SLX4IP: variants seen among roughly 807,000 people sequenced by gnomAD.
The protein encoded by SLX4IP is protein SLX4IP.
In SLX4IP, 34 loss-of-function variants were observed where a neutral mutation model predicts 32.9. The observed-to-expected ratio is 1.03, with a 90% CI of 0.79 to 1.38. The LOEUF is 1.38. SLX4IP is among the 40% of genes most tolerant of loss of function. The pLI is 0.00. For missense variants in SLX4IP, 444 were observed against 479.0 expected, an observed-to-expected ratio of 0.93 and a Z score of 0.68; for synonymous variants, 172 against 171.7, an observed-to-expected ratio of 1.00 and a Z score of -0.01.
chr20:10,455,575 T>C (rs1334430641), intron 1 of SLX4IP, among the ~76,000 whole-genome samples: 1 of 135,196 alleles, frequency 7.4e-6, no homozygotes, highest in African/African-American at 2.8e-5. Flanking sequence ...TTGACCTGTA[T>C]GTCTTTTATT....
intron 6 of SLX4IP, among the ~76,000 whole-genome samples, chr20:10,616,146 C>T (rs2065706319): frequency 6.6e-6 from 1 of 152,080 alleles, no homozygotes. Context: ...GTCGAGTCAC[C>T]AATGACTTCT....
chr20:10,604,763 G>A (rs2066886188), intron 6 of SLX4IP, among the ~76,000 whole-genome samples: 1 of 152,252 alleles, frequency 6.6e-6, no homozygotes, highest in Non-Finnish European at 1.5e-5. Context: ...ATGTGCTAGG[G>A]ATGTGGGAAT....
chr20:10,572,050 C>T (rs760412669), intron 4 of SLX4IP, among the ~76,000 whole-genome samples: 5 of 152,152 alleles, frequency 3.3e-5, no homozygotes, highest in African/African-American at 7.2e-5. Context: ...GTCCACCCCT[C>T]GGATGCTGGC....
chr20:10,533,810 G>C (rs185155733), intron 2 of SLX4IP, among the ~76,000 whole-genome samples: 15 of 151,640 alleles, frequency 9.9e-5, no homozygotes, highest in African/African-American at 3.4e-4. Flanking sequence ...GGTAGAGATG[G>C]GGCTTTGTCA....
intron 2 of SLX4IP, among the ~76,000 whole-genome samples, chr20:10,552,410 T>C (rs1360876042): frequency 6.7e-6 from 1 of 150,174 alleles, no homozygotes. Context: ...TTTTTTTTCT[T>C]TTTTTTTTTC....
chr20:10,456,668 G>A (rs1174141047), intron 1 of SLX4IP, among the ~76,000 whole-genome samples: 1 of 152,196 alleles, frequency 6.6e-6, no homozygotes, highest in African/African-American at 2.4e-5. Context: ...TGAGAAGGCT[G>A]AGTTCTCCAA....
intron 2 of SLX4IP, among the ~76,000 whole-genome samples, chr20:10,478,979 C>G (rs1055958373): frequency 6.6e-6 from 1 of 152,222 alleles, no homozygotes; most frequent in African/African-American, 2.4e-5. Flanking sequence ...TACCTCTATT[C>G]AGGTAGAAGC....
chr20:10,560,901 G>C lies in SLX4IP; in HGVS notation c.238+81G>C, dbSNP rs2066325833. The C allele has an allele frequency of 3.8e-6, 5 of 1,321,740 alleles. No homozygotes were observed. The South Asian group carries it at 9.4e-5, about 25-fold the overall frequency. The allele number at this position is 1,321,740 out of a possible 1,614,324, so 81.9% of individuals were successfully genotyped here. A position where few individuals can be genotyped will look rare whatever the true frequency, so the allele number is the denominator to read the frequency against. On this transcript the variant is annotated intron_variant, in intron 4 of 7. Coordinates refer to ENST00000334534, the MANE Select transcript of SLX4IP (RefSeq NM_001009608.3). ...AGAGATGGCAATTATGTTTGACTCTGACTGTCATGTTAGTATAGTGATACA... is the reference window on the plus strand; with the variant it reads ...AGAGATGGCAATTATGTTTGACTCTCACTGTCATGTTAGTATAGTGATACA...
chr20:10,472,821 C>G lies in SLX4IP; in HGVS notation c.27+14590C>G, dbSNP rs1160774862. 1.3e-5 allele frequency among the ~76,000 whole-genome samples: 2 copies of G among 152,208 alleles called. 1 individual carries two copies. The highest frequency in any genetic ancestry group is 2.9e-5 in the Non-Finnish European group (2 of 68,042). On this transcript the variant is annotated intron_variant, in intron 2 of 7. Coordinates refer to ENST00000334534, the MANE Select transcript of SLX4IP (RefSeq NM_001009608.3). The stretch of plus-strand genomic sequence containing the variant: ...CTTTTCCCTTCTTTGTTACCTGATA[C>G]AGGCCTTTTAAAGCCAACAATAGTT...
intron 4 of SLX4IP, among the ~76,000 whole-genome samples, chr20:10,594,471 G>C (rs1438232430): frequency 6.6e-6 from 1 of 152,194 alleles, no homozygotes; most frequent in Admixed American, 6.5e-5. Flanking sequence ...ACTTCCCACT[G>C]TTACGCACCA....
At chr20:10,488,865 T>C (rs1270919602) in intron 2 of SLX4IP, among the ~76,000 whole-genome samples, 2 of 152,330 alleles carry the variant, frequency 1.3e-5, no homozygotes, top group South Asian at 2.1e-4. Context: ...CCATTTCAAG[T>C]TGACACACTG....
At chr20:10,448,369 T>C (rs2065217902) in intron 1 of SLX4IP, among the ~76,000 whole-genome samples, 2 of 152,286 alleles carry the variant, frequency 1.3e-5, no homozygotes, top group Non-Finnish European at 2.9e-5. Flanking sequence ...AACTCCACTG[T>C]TTTTTTGAGG....
intron 4 of SLX4IP, among the ~76,000 whole-genome samples, chr20:10,564,192 G>A (rs1370489808): frequency 6.6e-6 from 1 of 152,064 alleles, no homozygotes; most frequent in Non-Finnish European, 1.5e-5. Context: ...ATTGATTCAT[G>A]CTTTTACTTT....
At chr20:10,563,409 T>G (rs2066353395) in intron 4 of SLX4IP, among the ~76,000 whole-genome samples, 1 of 152,248 alleles carries the variant, frequency 6.6e-6, no homozygotes. Context: ...TTTAGTTTGA[T>G]ATAGTCCCAT....
At chr20:10,520,838 A>T (rs533087905) in intron 2 of SLX4IP, among the ~76,000 whole-genome samples, 45 of 152,316 alleles carry the variant, frequency 3.0e-4, no homozygotes, top group African/African-American at 8.4e-4. Flanking sequence ...AGACTTTGAA[A>T]CAAAAATAAT....
intron 1 of SLX4IP, among the ~76,000 whole-genome samples, chr20:10,449,182 C>G (rs1420813382): frequency 6.6e-6 from 1 of 152,192 alleles, no homozygotes; most frequent in Admixed American, 6.5e-5. Context: ...AGCAAATATG[C>G]AAGCTCAAGG....
chr20:10,489,532 T>A (rs537689924), intron 2 of SLX4IP, among the ~76,000 whole-genome samples: 1 of 152,360 alleles, frequency 6.6e-6, no homozygotes, highest in African/African-American at 2.4e-5. Context: ...AAACAAGATG[T>A]ATGAAATGTT....
At chr20:10,460,418 C>T (rs2065327141) in intron 2 of SLX4IP, among the ~76,000 whole-genome samples, 2 of 152,142 alleles carry the variant, frequency 1.3e-5, no homozygotes, top group African/African-American at 4.8e-5. Flanking sequence ...GGCTGCAGTT[C>T]TACTTAGGGA....
At chr20:10,554,402 A>C (rs1351021972) in intron 2 of SLX4IP, among the ~76,000 whole-genome samples, 1 of 152,216 alleles carries the variant, frequency 6.6e-6, no homozygotes, top group Non-Finnish European at 1.5e-5. Flanking sequence ...GAATATTTGC[A>C]TACAAGTCTT....
Sources: allele counts gnomAD v4.1 joint callset (sites outside exome capture counted in the v4.1 genomes callset), GRCh38; gene constraint gnomAD v4.1.1; transcripts MANE v1.5; gene names NCBI Gene and HGNC (gene_info 2026-07-23, HGNC 2026-07-21).